The following CDC45 variants were observed in gnomAD, a reference collection of about 807,000 sequenced individuals.
CDC45 encodes cell division cycle 45.
A neutral mutation model predicts 77.8 loss-of-function variants in CDC45; 54 were observed. The observed-to-expected ratio is 0.69, with a 90% CI of 0.56 to 0.87. The LOEUF is 0.87. Among genes scored for constraint, CDC45 ranks in the 40% least tolerant of loss-of-function variants. The pLI is 0.00. For missense variants in CDC45, 649 were observed against 721.6 expected (o/e 0.90, Z 1.15); for synonymous variants, 260 against 272.1 (o/e 0.96, Z 0.44).
intron 8 of CDC45, among the ~76,000 whole-genome samples, chr22:19,498,641 C>T (rs1028650401): frequency 6.6e-6 from 1 of 152,222 alleles, no homozygotes; most frequent in Non-Finnish European, 1.5e-5. Context: ...ACAACTAGGG[C>T]CCCCTGTGCT....
At position 19,514,839 on chromosome 22, in the gene CDC45, C is replaced by A; in HGVS notation, c.1308C>A (p.Thr436=). 6.2e-7 allele frequency: 1 copy of A among 1,614,224 alleles called. No homozygotes were observed. The stretch of plus-strand genomic sequence containing the variant: ...AGACCATTGCCAGCTGCCTTTGCAC[C>A]AACCTCGTCATCTCCCAGGGGCCTT... ...TQQTIASCLC[T]NLVISQGPFL... is the part of the protein sequence containing the mutation. Residue 436 remains threonine, a synonymous_variant, in exon 14 of 19, where the codon ACC becomes ACA. Transcript: ENST00000263201.
chr22:19,501,808 G>C (rs5746756), intron 9 of CDC45, among the ~76,000 whole-genome samples: 5,821 of 152,204 alleles, frequency 0.038, 179 homozygotes, highest in East Asian at 0.12. Context: ...TTGACCTCCT[G>C]GGATCAAGCA....
chr22:19,518,804 C>T (rs571987415), intron 17 of CDC45, 40 bp from the exon 18 acceptor site: 2 of 1,558,492 alleles, frequency 1.3e-6, no homozygotes, highest in African/African-American at 2.7e-5. Flanking sequence ...TGTGTTCCCA[C>T]TCCTCCCTTC....
intron 11 of CDC45, 43 bp from the exon 12 acceptor site, chr22:19,507,723 G>T (rs755039790): frequency 6.8e-7 from 1 of 1,472,612 alleles, no homozygotes; most frequent in Non-Finnish European, 9.3e-7. Context: ...CCCTGTCGGT[G>T]TGTGGTGACC....
chr22:19,509,561 CAAA>C (rs916709295), intron 13 of CDC45, among the ~76,000 whole-genome samples: 2 of 152,154 alleles, frequency 1.3e-5, no homozygotes, highest in African/African-American at 4.8e-5. Context: ...TTGGGCCTGT[CAAA>C]AAGTGATTTC....
intron 13 of CDC45, 28 bp downstream of exon 13, chr22:19,508,719 A>C (rs764630175): frequency 1.2e-5 from 19 of 1,609,070 alleles, no homozygotes; most frequent in Admixed American, 5.0e-5. Context: ...GGTTTGCCTC[A>C]TGGGGCCACC....
chr22:19,513,309 T>C (rs2283656), intron 13 of CDC45, among the ~76,000 whole-genome samples: 8,736 of 152,320 alleles, frequency 0.057, 423 homozygotes, highest in East Asian at 0.12. Flanking sequence ...AATTGTCTTA[T>C]CTTTGGTTAC....
chr22:19,494,601 A>G (rs943657814), intron 6 of CDC45: 1 of 1,540,872 alleles, frequency 6.5e-7, no homozygotes, highest in Non-Finnish European at 8.7e-7. Context: ...AAGGTCTCCC[A>G]GGTACATGCC....
chr22:19,481,658 C>G (rs1311556841), intron 3 of CDC45, among the ~76,000 whole-genome samples: 1 of 151,802 alleles, frequency 6.6e-6, no homozygotes, highest in African/African-American at 2.4e-5. Flanking sequence ...CAGGTATGAG[C>G]CACCACGCCC....
intron 9 of CDC45, among the ~76,000 whole-genome samples, chr22:19,503,546 GGCCT>G (rs1347107931): frequency 6.6e-6 from 1 of 152,190 alleles, no homozygotes; most frequent in Non-Finnish European, 1.5e-5. Context: ...ACCTGAGTTA[GGCCT>G]GCTGAGCTGC....
intron 16 of CDC45, 42 bp downstream of exon 16, chr22:19,516,687 T>C: frequency 6.5e-7 from 1 of 1,536,738 alleles, no homozygotes; most frequent in African/African-American, 1.5e-5. Context: ...GGGTCGGGGG[T>C]GTTGGGGTTA....
chr22:19,484,440 T>C (rs931755241), intron 5 of CDC45, among the ~76,000 whole-genome samples: 2 of 152,214 alleles, frequency 1.3e-5, no homozygotes, highest in Non-Finnish European at 2.9e-5. Flanking sequence ...GTATCTTGTA[T>C]GTGAAGATAC....
chr22:19,483,448 G>A (rs1028693031), intron 4 of CDC45, among the ~76,000 whole-genome samples: 12 of 152,056 alleles, frequency 7.9e-5, no homozygotes, highest in African/African-American at 2.9e-4. Context: ...AAAAAGAAAA[G>A]AAAAATCAGC....
chr22:19,487,150 G>A (rs571300172), intron 5 of CDC45, among the ~76,000 whole-genome samples: 58 of 152,180 alleles, frequency 3.8e-4, no homozygotes, highest in African/African-American at 1.3e-3. Flanking sequence ...AAATTAGCCA[G>A]GAGCAATGGC....
chr22:19,509,043 TTCTTTCTTATC>T (rs1933372281), intron 13 of CDC45, among the ~76,000 whole-genome samples: 1 of 152,260 alleles, frequency 6.6e-6, no homozygotes, highest in South Asian at 2.1e-4. Flanking sequence ...AATTTTCCAA[TTCTTTCTTATC>T]TCACTTCCTG....
In CDC45 at chr22:19,497,366, A is replaced by AGCTGG; in HGVS notation, c.592-20_592-19insGCTGG. 1 of 1,613,252 alleles carries AGCTGG rather than the reference A, an allele frequency of 6.2e-7. No homozygotes were observed. The highest frequency in any genetic ancestry group is 8.5e-7 in the Non-Finnish European group (1 of 1,179,412). On this transcript the variant is annotated intron_variant, in intron 7 of 18. Transcript: ENST00000263201. The stretch of plus-strand genomic sequence containing the variant: ...CACATGCCCCTCCCATGAGCCTTAG[A>AGCTGG]CTTCTCTGCTTCCTTACAGTCAGCC...
chr22:19,483,593 G>C (rs1360002481), intron 4 of CDC45, among the ~76,000 whole-genome samples: 1 of 152,140 alleles, frequency 6.6e-6, no homozygotes, highest in Non-Finnish European at 1.5e-5. Context: ...TGTGTTTCCA[G>C]ACTTAAGTAG....
At chr22:19,507,660 TG>T in intron 11 of CDC45, 105 bp from the exon 12 acceptor site, 1 of 1,348,850 alleles carries the variant, frequency 7.4e-7, no homozygotes, top group Non-Finnish European at 1.0e-6. Flanking sequence ...GAATATCTTC[TG>T]AATGCTGGTG....
chr22:19,508,828 A>G, intron 13 of CDC45, 137 bp downstream of exon 13: 1 of 721,988 alleles, frequency 1.4e-6, no homozygotes, highest in Non-Finnish European at 2.3e-6. Context: ...CTGGAATCAC[A>G]GTGCCAGTGT....
Sources: allele counts gnomAD v4.1 joint callset (sites outside exome capture counted in the v4.1 genomes callset), GRCh38; gene constraint gnomAD v4.1.1; transcripts MANE v1.5; gene names NCBI Gene and HGNC (gene_info 2026-07-23, HGNC 2026-07-21).